Variants in TMTC2 observed in about 807,000 individuals in gnomAD.
TMTC2 encodes the protein protein O-mannosyl-transferase TMTC2.
Under a neutral mutation model 82.4 loss-of-function variants are expected in TMTC2, and 43 were observed. The ratio of observed to expected loss-of-function variants is 0.52; its 90% confidence interval spans 0.41 to 0.67. The LOEUF (loss-of-function observed/expected upper bound fraction) is 0.67. TMTC2 is among the 30% of genes least tolerant of loss of function. The pLI is 0.00. For missense variants in TMTC2, 919 were observed against 1,012.4 expected (o/e 0.91, Z 1.25); for synonymous variants, 408 against 381.9 (o/e 1.07, Z -0.80).
chr12:82,990,253 G>C (rs1879343868), intron 8 of TMTC2, among the ~76,000 whole-genome samples: 1 of 151,992 alleles, frequency 6.6e-6, no homozygotes, highest in Admixed American at 6.6e-5. Flanking sequence ...CTGGAGAGTA[G>C]GATTTTATAT....
At chr12:82,948,206 A>T (rs1338030242) in intron 4 of TMTC2, among the ~76,000 whole-genome samples, 8 of 152,118 alleles carry the variant, frequency 5.3e-5, no homozygotes, top group Admixed American at 5.2e-4. Flanking sequence ...TTTCTATTTA[A>T]AAAGCAAAAA....
intron 1 of TMTC2, among the ~76,000 whole-genome samples, chr12:82,728,941 G>T (rs1874608368): frequency 6.6e-6 from 1 of 152,224 alleles, no homozygotes; most frequent in Admixed American, 6.5e-5. Context: ...TTCTCGTCGG[G>T]CCTTAGCTGC....
At chr12:82,997,778 G>A (rs1420935316) in intron 8 of TMTC2, among the ~76,000 whole-genome samples, 1 of 148,972 alleles carries the variant, frequency 6.7e-6, no homozygotes, top group Non-Finnish European at 1.5e-5. Context: ...GATGTCCTTT[G>A]AAAAAAAAAT....
At chr12:83,078,171 T>A (rs1320130155) in intron 11 of TMTC2, among the ~76,000 whole-genome samples, 1 of 152,092 alleles carries the variant, frequency 6.6e-6, no homozygotes, top group African/African-American at 2.4e-5. Context: ...GGGGGGATTC[T>A]TGCTAAACTG....
chr12:82,975,950 A>G (rs1878651322), intron 7 of TMTC2, among the ~76,000 whole-genome samples: 1 of 151,836 alleles, frequency 6.6e-6, no homozygotes, highest in Non-Finnish European at 1.5e-5. Flanking sequence ...AGTGTTTACT[A>G]ATTATCTCAG....
chr12:83,011,522 G>A (rs1880458777), intron 8 of TMTC2, among the ~76,000 whole-genome samples: 1 of 152,128 alleles, frequency 6.6e-6, no homozygotes, highest in Non-Finnish European at 1.5e-5. Flanking sequence ...TCTTTGTATG[G>A]CATGGAACAT....
At chr12:82,908,799 ACT>A (rs1466300667) in intron 3 of TMTC2, among the ~76,000 whole-genome samples, 1 of 150,936 alleles carries the variant, frequency 6.6e-6, no homozygotes, top group African/African-American at 2.4e-5. Flanking sequence ...GTTATAGATG[ACT>A]CTTTTTTTTT....
intron 1 of TMTC2, among the ~76,000 whole-genome samples, chr12:82,770,274 G>A (rs1004136870): frequency 6.6e-6 from 1 of 152,060 alleles, no homozygotes; most frequent in African/African-American, 2.4e-5. Context: ...ATAGACATAT[G>A]CATTTGATGA....
At chr12:82,885,302 T>G (rs1309849385) in intron 2 of TMTC2, among the ~76,000 whole-genome samples, 1 of 152,082 alleles carries the variant, frequency 6.6e-6, no homozygotes, top group East Asian at 1.9e-4. Flanking sequence ...TTTAAATGAT[T>G]AATCTGGGAA....
At chr12:82,843,421 A>T (rs1870454130) in intron 1 of TMTC2, among the ~76,000 whole-genome samples, 1 of 151,684 alleles carries the variant, frequency 6.6e-6, no homozygotes, top group Admixed American at 6.6e-5. Flanking sequence ...ATCCATATCC[A>T]CTTACTCACA....
intron 8 of TMTC2, among the ~76,000 whole-genome samples, chr12:83,028,030 A>G (rs1160477189): frequency 6.6e-6 from 1 of 152,076 alleles, no homozygotes; most frequent in Non-Finnish European, 1.5e-5. Flanking sequence ...TTCATTTTAC[A>G]TCTTTTTTCT....
chr12:83,109,060 C>A (rs1379317887), intron 11 of TMTC2, among the ~76,000 whole-genome samples: 1 of 152,142 alleles, frequency 6.6e-6, no homozygotes, highest in African/African-American at 2.4e-5. Context: ...GCCCAAAAGA[C>A]TATAGCTGTC....
intron 11 of TMTC2, among the ~76,000 whole-genome samples, chr12:83,089,302 T>A (rs1408749770): frequency 9.2e-5 from 14 of 152,226 alleles, no homozygotes; most frequent in Admixed American, 9.2e-4. Flanking sequence ...AAGCTAAGTG[T>A]TATTTTACAC....
intron 4 of TMTC2, among the ~76,000 whole-genome samples, chr12:82,938,441 G>T (rs767800996): frequency 3.3e-5 from 5 of 152,178 alleles, no homozygotes; most frequent in African/African-American, 4.8e-5. Context: ...TCCATAGTAG[G>T]GATATGTGTT....
At chr12:83,027,259 G>A (rs1430076736) in intron 8 of TMTC2, among the ~76,000 whole-genome samples, 10 of 152,108 alleles carry the variant, frequency 6.6e-5, no homozygotes. Context: ...CTCTAGAACA[G>A]TAACAGTTGA....
chr12:82,937,159 C>T (rs553193282), intron 4 of TMTC2, among the ~76,000 whole-genome samples: 1 of 152,272 alleles, frequency 6.6e-6, no homozygotes, highest in South Asian at 2.1e-4. Context: ...AATAAAAATA[C>T]TACAAGGTAC....
chr12:82,840,745 C>A (rs906934058), intron 1 of TMTC2, among the ~76,000 whole-genome samples: 4 of 152,140 alleles, frequency 2.6e-5, no homozygotes, highest in African/African-American at 9.7e-5. Context: ...CTAAACTATA[C>A]CATCACTTGA....
At chr12:82,706,099 A>C (rs965099771) in intron 1 of TMTC2, among the ~76,000 whole-genome samples, 2 of 152,154 alleles carry the variant, frequency 1.3e-5, no homozygotes, top group African/African-American at 4.8e-5. Flanking sequence ...ACCTGAGGTC[A>C]GCAGCTCAAG....
chr12:82,917,784 A>G (rs1041589005), intron 3 of TMTC2, among the ~76,000 whole-genome samples: 6 of 152,100 alleles, frequency 3.9e-5, no homozygotes, highest in Admixed American at 1.3e-4. Context: ...TTGTATTTTT[A>G]GTAGAGACAG....
Sources: allele counts gnomAD v4.1 joint callset (sites outside exome capture counted in the v4.1 genomes callset), GRCh38; gene constraint gnomAD v4.1.1; transcripts MANE v1.5; gene names NCBI Gene and HGNC (gene_info 2026-07-23, HGNC 2026-07-21).